SELP: variants seen among roughly 807,000 people sequenced by gnomAD.
The protein encoded by SELP is selectin P.
In SELP, 92 loss-of-function variants were observed where a neutral mutation model predicts 104.1. The observed-to-expected ratio is 0.88, with a 90% CI of 0.75 to 1.05. The LOEUF (loss-of-function observed/expected upper bound fraction) is 1.05. Among genes scored for constraint, SELP ranks in the 50% least tolerant of loss-of-function variants. The probability of loss-of-function intolerance (pLI) is 0.00; values close to 1 mark genes in which losing one functional copy is unlikely to be tolerated. For missense variants in SELP, 1,022 were observed against 1,017.3 expected (o/e 1.00, Z -0.06); for synonymous variants, 397 against 364.5 (o/e 1.09, Z -1.01).
chr1:169,603,797 G>A (rs982416779), intron 9 of SELP, among the ~76,000 whole-genome samples: 4 of 152,126 alleles, frequency 2.6e-5, no homozygotes, highest in African/African-American at 9.7e-5. Flanking sequence ...CTTCGAAATG[G>A]GAAAAAGGAA....
intron 9 of SELP, 143 bp downstream of exon 9, chr1:169,606,806 G>T: frequency 2.7e-6 from 2 of 740,192 alleles, no homozygotes; most frequent in Admixed American, 2.9e-5. Context: ...TTGGGTTATA[G>T]GACAAGAGGA....
chr1:169,611,771 G>A, intron 6 of SELP, 94 bp from the exon 7 acceptor site: 1 of 1,256,828 alleles, frequency 8.0e-7, no homozygotes, highest in African/African-American at 1.5e-5. Flanking sequence ...AAATGCAGGT[G>A]GAGCTAGCAA....
chr1:169,611,712 C>T (rs1393267388), intron 6 of SELP, 35 bp from the exon 7 acceptor site: 2 of 1,585,584 alleles, frequency 1.3e-6, no homozygotes, highest in African/African-American at 3.0e-5. Flanking sequence ...GAGAAAGATA[C>T]TGAGAAAGGA....
At chr1:169,606,414 A>G (rs568378634) in intron 9 of SELP, among the ~76,000 whole-genome samples, 7 of 152,318 alleles carry the variant, frequency 4.6e-5, no homozygotes, top group Non-Finnish European at 8.8e-5. Flanking sequence ...CAGTATACAG[A>G]TTAGTTTTTC....
At chr1:169,623,457 TC>T (rs1284972592) in intron 1 of SELP, among the ~76,000 whole-genome samples, 2 of 152,190 alleles carry the variant, frequency 1.3e-5, no homozygotes, top group Non-Finnish European at 1.5e-5. Flanking sequence ...AAGAGATGTT[TC>T]CCATTTTAAC....
intron 8 of SELP, among the ~76,000 whole-genome samples, chr1:169,607,732 A>C (rs1384078275): frequency 6.6e-6 from 1 of 152,186 alleles, no homozygotes; most frequent in Non-Finnish European, 1.5e-5. Flanking sequence ...AAATGGTAGT[A>C]ATAATTGTAA....
intron 1 of SELP, 27 bp downstream of exon 1, chr1:169,630,045 T>A (rs761104152): frequency 1.2e-6 from 2 of 1,614,110 alleles, no homozygotes; most frequent in Non-Finnish European, 1.7e-6. Flanking sequence ...CTTCAACCAC[T>A]TCCCATGCAG....
Position 169,613,011 on chromosome 1 carries a change from A to G in SELP, c.693T>C (p.Thr231=). 1 of 1,613,930 alleles carries G rather than the reference A, an allele frequency of 6.2e-7. No individual in the cohort carries two copies. The highest frequency in any genetic ancestry group is 2.2e-5 in the East Asian group (1 of 44,884). The change falls in exon 5 of 17, where the codon ACT becomes ACC. Residue 231 remains threonine, a synonymous_variant. Coordinates refer to ENST00000263686, the MANE Select transcript of SELP (RefSeq NM_003005.4). ...SFNSQCSFHC[T]DGYQVNGPSK... ...TGGGCCCATTTACTTGGTACCCGTCAGTGCAGTGGAAGCTGCACTGCGAGT... is the reference window on the plus strand; with the variant it reads ...TGGGCCCATTTACTTGGTACCCGTCGGTGCAGTGGAAGCTGCACTGCGAGT...
chr1:169,611,688 T>C lies in SELP; in HGVS notation c.962-11A>G, dbSNP rs1408049823. On this transcript the variant is annotated splice_polypyrimidine_tract_variant and intron_variant, in intron 6 of 16. Transcript: ENST00000263686. ...GCTGACACTGCACAGCTGGAGAGAA[T>C]AACCAAGGATAAAGAGAAAGATACT... 21 of 1,610,852 alleles carry C rather than the reference T, an allele frequency of 1.3e-5. No individual in the cohort carries two copies. Among genetic ancestry groups the C allele is most frequent in the Non-Finnish European group, 1.7e-5 (20 of 1,178,410 alleles).
Position 169,597,101 on chromosome 1 carries a change from A to T in SELP, c.1781T>A (p.Val594Asp). The T allele has an allele frequency of 6.2e-7, 1 of 1,613,378 alleles. No homozygotes were observed. The highest frequency in any genetic ancestry group is 8.5e-7 in the Non-Finnish European group (1 of 1,179,628). ...ACAAGAGAAATGGCAGGTGGAGCCA[A>T]CATTGAATTCTCCACGAGTGTCAGA... ...DCSDTRGEFN[V>D]GSTCHFSCDN... is the part of the protein sequence containing the mutation. Residue 594 changes from valine to aspartate, a missense_variant, in exon 11 of 17, where the codon GTT (valine) becomes GAT (aspartate). Val to Asp is a radical substitution (Grantham distance 152, BLOSUM62 -3). Transcript: ENST00000263686.
chr1:169,605,900 GA>G (rs1434944945), intron 9 of SELP, among the ~76,000 whole-genome samples: 1 of 152,090 alleles, frequency 6.6e-6, no homozygotes, highest in East Asian at 1.9e-4. Context: ...CATTGAGGGG[GA>G]AAAAGCTTGG....
Position 169,603,133 on chromosome 1 carries a change from TTA to T in SELP, c.1596_1597del (p.Tyr532Ter). On this transcript the variant is annotated stop_gained and frameshift_variant, in exon 10 of 17. Transcript: ENST00000263686. LOFTEE classifies it high-confidence loss of function. ...GTCACAGATGAATTGACATGTGGAT[TTA>T]TAACTGGAACTTCCAAGAGGTTGAA... The T allele has an allele frequency of 6.2e-7, 1 of 1,614,090 alleles. No homozygotes were observed. The highest frequency in any genetic ancestry group is 8.5e-7 in the Non-Finnish European group (1 of 1,179,978).
intron 1 of SELP, among the ~76,000 whole-genome samples, chr1:169,620,704 G>A (rs1178012300): frequency 6.6e-6 from 1 of 151,716 alleles, no homozygotes; most frequent in Non-Finnish European, 1.5e-5. Flanking sequence ...GATGGATGAT[G>A]TAGCGTGCAT....
intron 5 of SELP, among the ~76,000 whole-genome samples, chr1:169,612,614 T>C (rs1662599784): frequency 6.6e-6 from 1 of 152,208 alleles, no homozygotes; most frequent in Admixed American, 6.5e-5. Context: ...ATCAAATTAA[T>C]AATTCTTAAC....
rs147456880 is a variant in SELP at position 169,618,472 on chromosome 1, T to C, written c.94+657A>G. On this transcript the variant is annotated intron_variant, in intron 2 of 16. Transcript: ENST00000263686. Reference sequence around the variant, plus strand: ...GCACTCTTATCATAGTCTGTGGGAGTCCACCCGGGGCAGGAGAGGCCATTT... The same window carrying C: ...GCACTCTTATCATAGTCTGTGGGAGCCCACCCGGGGCAGGAGAGGCCATTT... Among the ~76,000 whole-genome samples, 180 of 152,148 alleles carry C rather than the reference T, an allele frequency of 1.2e-3. 3 individuals carry two copies. Among genetic ancestry groups the C allele is most frequent in the African/African-American group, 4.1e-3 (171 of 41,496 alleles).
chr1:169,613,199 TA>T (rs1662637174), intron 4 of SELP, 85 bp from the exon 5 acceptor site: 3 of 1,239,110 alleles, frequency 2.4e-6, no homozygotes, highest in Non-Finnish European at 2.2e-6. Flanking sequence ...ACTATTTGTG[TA>T]ACCCTCTTAA....
intron 10 of SELP, among the ~76,000 whole-genome samples, chr1:169,600,959 G>A (rs1228360715): frequency 1.3e-5 from 2 of 152,198 alleles, no homozygotes; most frequent in Non-Finnish European, 2.9e-5. Flanking sequence ...AAAGTGGGAG[G>A]CAAATGCCTC....
intron 10 of SELP, among the ~76,000 whole-genome samples, chr1:169,601,378 C>A (rs563014234): frequency 6.6e-6 from 1 of 152,218 alleles, no homozygotes; most frequent in East Asian, 1.9e-4. Flanking sequence ...AAAACGGGAG[C>A]CTAAGGGTGT....
chr1:169,597,277 G>A, intron 10 of SELP, 101 bp from the exon 11 acceptor site: 1 of 1,047,772 alleles, frequency 9.5e-7, no homozygotes, highest in South Asian at 2.0e-5. Context: ...TATTTATTAA[G>A]CACCTATATT....
Sources: allele counts gnomAD v4.1 joint callset (sites outside exome capture counted in the v4.1 genomes callset), GRCh38; gene constraint gnomAD v4.1.1; transcripts MANE v1.5; gene names NCBI Gene and HGNC (gene_info 2026-07-23, HGNC 2026-07-21).